The following UMODL1 variants were observed in gnomAD, a reference collection of about 807,000 sequenced individuals.
UMODL1 encodes uromodulin-like 1.
UMODL1 carries 128 observed loss-of-function variants against 136.3 expected under a neutral mutation model. The ratio of observed to expected loss-of-function variants is 0.94; its 90% CI spans 0.81 to 1.09. The LOEUF is 1.09. Ranked by LOEUF, UMODL1 falls within the 50% of genes least tolerant of loss-of-function variation. UMODL1 has a pLI of 0.00. For missense variants in UMODL1, 1,766 were observed against 1,725.6 expected (o/e 1.02, Z -0.41); for synonymous variants, 721 against 720.0 (o/e 1.00, Z -0.02).
At chr21:42,110,417 C>T (rs2066804016) in intron 10 of UMODL1, among the ~76,000 whole-genome samples, 1 of 152,228 alleles carries the variant, frequency 6.6e-6, no homozygotes, top group African/African-American at 2.4e-5. Flanking sequence ...ACTGCGTGTG[C>T]TGTCCTGCTT....
rs769756964 is a variant in UMODL1 at position 42,109,719 on chromosome 21, C to T, written c.1657+20C>T. On this transcript the variant is annotated intron_variant, in intron 10 of 22. Coordinates refer to ENST00000408910, the MANE Select transcript of UMODL1 (RefSeq NM_001004416.3). ...GTGAGGGTACGTGTCGACCCCCCTG[C>T]CGACTCTGGGAAGACCCCCTGCCCG... is the stretch of plus-strand genomic sequence containing the variant. 3 of 1,597,860 alleles carry T rather than the reference C, an allele frequency of 1.9e-6. No individual in the cohort carries two copies. In the East Asian group the frequency reaches 6.7e-5, roughly 36 times the overall value.
rs140435129 is a variant in UMODL1 at position 42,108,837 on chromosome 21, C to T, written c.1520-725C>T. ...GACACCCGGGTGCTCTAGAATATGGCGCGGGAAGTTCATGTTGTACTCCGC... is the reference window on the plus strand; with the variant it reads ...GACACCCGGGTGCTCTAGAATATGGTGCGGGAAGTTCATGTTGTACTCCGC... On this transcript the variant is annotated intron_variant, in intron 9 of 22. Transcript: ENST00000408910. 7.4e-4 allele frequency among the ~76,000 whole-genome samples: 112 copies of T among 151,542 alleles called. 1 individual carries two copies. Among genetic ancestry groups the T allele is most frequent in the African/African-American group, 2.7e-3 (109 of 40,942 alleles).
rs567991704 is a variant in UMODL1, at chr21:42,074,511, G to T, written c.77-1494G>T. Reference sequence around the variant, plus strand: ...TGGGAAGCCCAGGCACCACGTCAGGGGATGTCCATGACCAAAGAGTCTCGT... The same window carrying T: ...TGGGAAGCCCAGGCACCACGTCAGGTGATGTCCATGACCAAAGAGTCTCGT... On this transcript the variant is annotated intron_variant, in intron 1 of 22. Transcript: ENST00000408910. Among the ~76,000 whole-genome samples the T allele has an allele frequency of 3.9e-5, 6 of 152,288 alleles. No homozygotes were observed. In the South Asian group the frequency reaches 1.2e-3, roughly 32 times the overall value.
intron 2 of UMODL1, among the ~76,000 whole-genome samples, chr21:42,080,022 G>A (rs1335176728): frequency 6.6e-6 from 1 of 152,232 alleles, no homozygotes; most frequent in African/African-American, 2.4e-5. Flanking sequence ...GCCGCTGGAG[G>A]GCCTGTATCC....
At chr21:42,119,053 A>G (rs2146521342) in intron 14 of UMODL1, 58 bp from the exon 15 acceptor site, 4 of 1,558,526 alleles carry the variant, frequency 2.6e-6, no homozygotes, top group Middle Eastern at 2.3e-4. Context: ...CCGCCTTGAG[A>G]CGGGCATCTG....
At position 42,121,231 on chromosome 21, in the gene UMODL1, T is replaced by G. The variant is rs2066967474; in HGVS notation, c.2827+7T>G. ...TCTGAGAGACCCTGTGAAGGTAATGTCGTCAGAGTTTCTTCTTCTGGAATA... is the reference window on the plus strand; with the variant it reads ...TCTGAGAGACCCTGTGAAGGTAATGGCGTCAGAGTTTCTTCTTCTGGAATA... On this transcript the variant is annotated splice_region_variant and intron_variant, in intron 16 of 22. Coordinates refer to ENST00000408910, the MANE Select transcript of UMODL1 (RefSeq NM_001004416.3). 6.2e-7 allele frequency: 1 copy of G among 1,606,588 alleles called. No homozygotes were observed. The highest frequency in any genetic ancestry group is 2.2e-5 in the East Asian group (1 of 44,718).
Position 42,101,556 on chromosome 21 carries a change from C to T in UMODL1, c.1187-610C>T, listed in dbSNP as rs530544714. 5.5e-4 allele frequency among the ~76,000 whole-genome samples: 84 copies of T among 152,220 alleles called. No individual in the cohort carries two copies. In the South Asian group the frequency reaches 0.016, roughly 29 times the overall value. Reference sequence around the variant, plus strand: ...GCCGCCGACCTGCTCCTGTGCCCGCCGACGCTTGGGTTGTGCATGCTGGGT... The same window carrying T: ...GCCGCCGACCTGCTCCTGTGCCCGCTGACGCTTGGGTTGTGCATGCTGGGT... On this transcript the variant is annotated intron_variant, in intron 7 of 22. Transcript: ENST00000408910.
rs748551417 is a variant in UMODL1 at position 42,115,865 on chromosome 21, T to C, written c.2363-8T>C. ...CAATTCCAAATGTGCTTATCCTCCA[T>C]CCTGCAGCAGCCCGGAAGCTCATTG... On this transcript the variant is annotated splice_region_variant and splice_polypyrimidine_tract_variant and intron_variant, in intron 13 of 22. Transcript: ENST00000408910. 9.3e-6 allele frequency: 15 copies of C among 1,611,592 alleles called. No homozygotes were observed. In the South Asian group the frequency reaches 1.6e-4, roughly 18 times the overall value.
chr21:42,071,295 G>C (rs754921915), upstream of UMODL1: 1 of 1,550,258 alleles, frequency 6.5e-7, no homozygotes, highest in Non-Finnish European at 8.7e-7. Flanking sequence ...CCAGAGCCCT[G>C]TACTGCCACC....
Position 42,098,935 on chromosome 21 carries a change from C to T in UMODL1, c.941C>T (p.Pro314Leu). 2 of 1,614,182 alleles carry T rather than the reference C, an allele frequency of 1.2e-6. No individual in the cohort carries two copies. The highest frequency in any genetic ancestry group is 1.6e-4 in the Middle Eastern group (1 of 6,062). The change falls in exon 7 of 23, where the codon CCA (proline) becomes CTA (leucine). Residue 314 changes from proline (P) to leucine (L), a missense_variant. By Grantham distance (98) the Pro-to-Leu change is moderately conservative. Coordinates refer to ENST00000408910, the MANE Select transcript of UMODL1 (RefSeq NM_001004416.3). ...KLNLEWEDCP[P>L]VSDYVVLNVT... ...GTCTGTGCTTTCGTAGATTGTCCTC[C>T]AGTCAGTGACTACGTGGTCCTCAAC...
At chr21:42,092,157 C>G (rs1411795804) in intron 6 of UMODL1, among the ~76,000 whole-genome samples, 1 of 152,184 alleles carries the variant, frequency 6.6e-6, no homozygotes, top group African/African-American at 2.4e-5. Context: ...AGAAGGGAAG[C>G]AGCCAGCAGC....
chr21:42,126,278 G>C (rs1382613977), intron 17 of UMODL1, 67 bp from the exon 18 acceptor site: 2 of 1,601,058 alleles, frequency 1.2e-6, no homozygotes, highest in Non-Finnish European at 1.7e-6. Flanking sequence ...CTAGAGCCGT[G>C]GCCCACAGCA....
Position 42,122,847 on chromosome 21 carries a change from T to C in UMODL1, c.2844T>C (p.Asn948=). The C allele has an allele frequency of 6.3e-7, 1 of 1,598,226 alleles. No homozygotes were observed. Among genetic ancestry groups the C allele is most frequent in the Non-Finnish European group, 8.6e-7 (1 of 1,169,358 alleles). Residue 948 remains asparagine (N), a synonymous_variant, in exon 17 of 23, where the codon AAT becomes AAC. Transcript: ENST00000408910. This position sits in a 1 kb window ranked among gnomAD's most constrained non-coding sequence, Gnocchi z 4.3. ...ERPCEGDSPG[N]ETWATSPERP... ...GCCTTGCAGGTGACTCTCCTGGCAA[T>C]GAAACCTGGGCCACCAGCCCAGAGA... is the stretch of plus-strand genomic sequence containing the variant.
intron 21 of UMODL1, among the ~76,000 whole-genome samples, chr21:42,131,455 C>A (rs1303351900): frequency 5.1e-5 from 1 of 19,472 alleles, no homozygotes; most frequent in African/African-American, 1.0e-4. Flanking sequence ...GAGGTCTCAG[C>A]CATGAAGCTG....
Position 42,111,553 on chromosome 21 carries a change from T to A in UMODL1, c.1947T>A (p.Thr649=). 6.2e-7 allele frequency: 1 copy of A among 1,614,082 alleles called. No homozygotes were observed. Among genetic ancestry groups the A allele is most frequent in the Non-Finnish European group, 8.5e-7 (1 of 1,179,966 alleles). ...IMEPPSWPSP[T]EDPTGHFLWH... ...AGCCACCCTCCTGGCCTTCCCCTACTGAGGACCCCACCGGCCACTTCCTGT... is the reference window on the plus strand; with the variant it reads ...AGCCACCCTCCTGGCCTTCCCCTACAGAGGACCCCACCGGCCACTTCCTGT... The change falls in exon 12 of 23, where the codon ACT becomes ACA. Residue 649 remains threonine, a synonymous_variant. Transcript: ENST00000408910.
rs1212619215 is a variant in UMODL1 at position 42,127,767 on chromosome 21, C to G, written c.3626C>G (p.Ser1209Cys). The stretch of plus-strand genomic sequence containing the variant: ...AGGATCTTTTCCTTTATCAACGACT[C>G]CATCGTCTACCTGCACTGCAAACTC... ...KLRIFSFIND[S>C]IVYLHCKLRV... The change falls in exon 20 of 23, where the codon TCC becomes TGC. Residue 1209 changes from serine (S) to cysteine (C), a missense_variant. Physicochemically the swap from Ser to Cys is moderately radical, Grantham distance 112. Transcript: ENST00000408910. The G allele has an allele frequency of 1.2e-6, 2 of 1,614,222 alleles. No individual in the cohort carries two copies. Among genetic ancestry groups the G allele is most frequent in the East Asian group, 2.2e-5 (1 of 44,892 alleles).
intron 22 of UMODL1, among the ~76,000 whole-genome samples, chr21:42,140,766 CT>C (rs1191203960): frequency 6.6e-6 from 1 of 152,174 alleles, no homozygotes; most frequent in East Asian, 1.9e-4. Context: ...GCAGGTGCTG[CT>C]GCTCAATTGT....
At position 42,097,963 on chromosome 21, in the gene UMODL1, G is replaced by A. The variant is rs75254385; in HGVS notation, c.932-963G>A. ...GAAGCTCAGCCTGATTTCTGAGTCC[G>A]GCTTCCTGATGAGGCCATTGTTTAT... On this transcript the variant is annotated intron_variant, in intron 6 of 22. Transcript: ENST00000408910. 3.4e-3 allele frequency among the ~76,000 whole-genome samples: 521 copies of A among 152,244 alleles called. 4 individuals are homozygous for A. The highest frequency in any genetic ancestry group is 0.012 in the African/African-American group (490 of 41,516).
In UMODL1 at chr21:42,103,638, T is replaced by C. The variant is rs1190965970; in HGVS notation, c.1300-230T>C. 9.0e-6 allele frequency: 6 copies of C among 664,658 alleles called. No homozygotes were observed. The Admixed American group carries it at 1.2e-4, about 14-fold the overall frequency. 41.2% of individuals were successfully genotyped at this position (664,658 alleles called of 1,614,324 possible). The stretch of plus-strand genomic sequence containing the variant: ...CTGGGAGCTTGATTGCAGTGGTCAC[T>C]GTGAGTCCCCAGCACACACCAGGCC... On this transcript the variant is annotated intron_variant, in intron 8 of 22. Coordinates refer to ENST00000408910, the MANE Select transcript of UMODL1 (RefSeq NM_001004416.3).
Sources: allele counts gnomAD v4.1 joint callset (sites outside exome capture counted in the v4.1 genomes callset), GRCh38; gene constraint gnomAD v4.1.1; non-coding constraint Gnocchi (gnomAD v3.1); transcripts MANE v1.5; gene names NCBI Gene and HGNC (gene_info 2026-07-23, HGNC 2026-07-21).